NAA50: variants seen among roughly 807,000 people sequenced by gnomAD.
NAA50 encodes the protein N-alpha-acetyltransferase 50.
NAA50 carries 7 observed loss-of-function variants against 20.7 expected under a neutral mutation model. The observed-to-expected ratio is 0.34, with a 90% confidence interval of 0.19 to 0.63. NAA50 has a LOEUF of 0.63. NAA50 is among the 30% of genes least tolerant of loss of function. The pLI is 0.75. For missense variants in NAA50, 111 were observed against 199.1 expected (o/e 0.56, Z 2.66); for synonymous variants, 54 against 70.6 (o/e 0.77, Z 1.18).
At chr3:113,743,132 G>A (rs571521958) in intron 1 of NAA50, among the ~76,000 whole-genome samples, 14 of 152,220 alleles carry the variant, frequency 9.2e-5, no homozygotes, top group Admixed American at 8.5e-4. Flanking sequence ...ATGGAGGAAA[G>A]ACATGCCAAT....
At chr3:113,724,119 A>C (rs1708171529) in intron 1 of NAA50, 24 bp from the exon 2 acceptor site, 1 of 1,523,460 alleles carries the variant, frequency 6.6e-7, no homozygotes, top group Non-Finnish European at 8.9e-7. Flanking sequence ...AAATGTACTC[A>C]ATAAAACATA....
At chr3:113,724,730 T>C (rs988770475) in intron 1 of NAA50, 20 of 152,196 alleles carry the variant, frequency 1.3e-4, no homozygotes, top group African/African-American at 4.6e-4. Context: ...AAATTTCATC[T>C]TGTAGTTCCC....
At chr3:113,742,678 T>A (rs1375664158) in intron 1 of NAA50, among the ~76,000 whole-genome samples, 1 of 152,194 alleles carries the variant, frequency 6.6e-6, no homozygotes, top group Non-Finnish European at 1.5e-5. Context: ...CTGCAGAATC[T>A]TACATTTTAA....
intron 1 of NAA50, chr3:113,740,740 CT>C (rs746025075): frequency 6.3e-3 from 925 of 147,960 alleles, no homozygotes; most frequent in Middle Eastern, 0.017. Context: ...CACATTTTTT[CT>C]TTTTTTTTTT....
chr3:113,744,539 T>C (rs994408914), intron 1 of NAA50, among the ~76,000 whole-genome samples: 4 of 151,974 alleles, frequency 2.6e-5, no homozygotes, highest in Non-Finnish European at 4.4e-5. Context: ...TCCAAATATG[T>C]TGGATTGTAT....
In NAA50 at chr3:113,717,417, A is replaced by T. The variant is rs1168217355; in HGVS notation, c.*4343T>A. 1 of 152,224 alleles carries T rather than the reference A, an allele frequency of 6.6e-6. No individual in the cohort carries two copies. The highest frequency in any genetic ancestry group is 2.4e-5 in the African/African-American group (1 of 41,454). The allele number at this position is 152,224 out of a possible 1,614,324, so 9.4% of individuals were successfully genotyped here. A position where few individuals can be genotyped will look rare whatever the true frequency, so the allele number is the denominator to read the frequency against. ...TGAAAAGGTTGAGAATTTCTGCCCC[A>T]GTAACAGATCGTTCTCTGACTTAAA... On this transcript the variant is annotated 3_prime_UTR_variant, in exon 5 of 5. Transcript: ENST00000240922.
intron 1 of NAA50, among the ~76,000 whole-genome samples, chr3:113,728,777 T>C (rs1708232611): frequency 6.6e-6 from 1 of 152,214 alleles, no homozygotes; most frequent in Non-Finnish European, 1.5e-5. Flanking sequence ...TCCTGAACTC[T>C]ACATTCCTAG....
rs1708107329 is a variant in NAA50 at position 113,719,555 on chromosome 3, T to C, written c.*2205A>G. ...ATTCTCCTCCTCCTCCATAAGTGGA[T>C]GGAATTATTTAACTAAGTTTGATGT... On this transcript the variant is annotated 3_prime_UTR_variant, in exon 5 of 5. Coordinates refer to ENST00000240922, the MANE Select transcript of NAA50 (RefSeq NM_025146.4). 6.6e-6 allele frequency: 1 copy of C among 152,564 alleles called. No individual in the cohort carries two copies. Among genetic ancestry groups the C allele is most frequent in the Admixed American group, 6.5e-5 (1 of 15,276 alleles). The allele number at this position is 152,564 out of a possible 1,614,324, so 9.5% of individuals were successfully genotyped here.
intron 1 of NAA50, among the ~76,000 whole-genome samples, chr3:113,733,592 C>T (rs1708298462): frequency 6.6e-6 from 1 of 151,920 alleles, no homozygotes; most frequent in Non-Finnish European, 1.5e-5. Context: ...TGGCTCATGC[C>T]TGTAATCCCA....
intron 1 of NAA50, among the ~76,000 whole-genome samples, chr3:113,729,868 C>A (rs548419105): frequency 1.3e-5 from 2 of 152,164 alleles, no homozygotes; most frequent in South Asian, 4.1e-4. Context: ...TTACAGCTTC[C>A]TTCAAATCAA....
chr3:113,739,144 A>C (rs566516216), intron 1 of NAA50, among the ~76,000 whole-genome samples: 2 of 152,348 alleles, frequency 1.3e-5, no homozygotes, highest in South Asian at 4.1e-4. Context: ...TTAAAGCAAA[A>C]TGTGAATATT....
At position 113,722,989 on chromosome 3, in the gene NAA50, TAAC is replaced by T. The variant is rs1337922337; in HGVS notation, c.266-20_266-18del. The T allele has an allele frequency of 3.3e-6, 5 of 1,512,418 alleles. No individual in the cohort carries two copies. Among genetic ancestry groups the T allele is most frequent in the Non-Finnish European group, 4.5e-6 (5 of 1,120,858 alleles). The allele number at this position is 1,512,418 out of a possible 1,614,324, so 93.7% of individuals were successfully genotyped here. On this transcript the variant is annotated intron_variant, in intron 3 of 4. Coordinates refer to ENST00000240922, the MANE Select transcript of NAA50 (RefSeq NM_025146.4). ...TTTTAGTTCCTGTTAATAAAATAAA[TAAC>T]AAACACGTGACTTCATAAATCAACC...
At position 113,717,012 on chromosome 3, in the gene NAA50, AAG is replaced by A. The variant is rs1487808468; in HGVS notation, c.*4746_*4747del. On this transcript the variant is annotated 3_prime_UTR_variant, in exon 5 of 5. Transcript: ENST00000240922. ...TTTCTTATTCTAGAAGCTACTGAGC[AAG>A]GAAAATACCTTGATTCATTCTAGAT... The A allele has an allele frequency of 1.3e-5, 2 of 152,178 alleles. No homozygotes were observed. Among genetic ancestry groups the A allele is most frequent in the East Asian group, 3.9e-4 (2 of 5,194 alleles). The allele number at this position is 152,178 out of a possible 1,614,324, so 9.4% of individuals were successfully genotyped here.
At position 113,727,248 on chromosome 3, in the gene NAA50, T is replaced by A. The variant is rs541042198; in HGVS notation, c.9-3153A>T. ...AGAGCATCTCATTTAAAAAAAAGTC[T>A]TAGTATTTAAAAAGTGATTTAAAAT... On this transcript the variant is annotated intron_variant, in intron 1 of 4. Transcript: ENST00000240922. Among the ~76,000 whole-genome samples the A allele has an allele frequency of 7.9e-5, 12 of 152,332 alleles. 1 individual carries two copies. Among genetic ancestry groups the A allele is most frequent in the African/African-American group, 2.9e-4 (12 of 41,574 alleles).
rs777241717 is a variant in NAA50, at chr3:113,717,493, C to G, written c.*4267G>C. ...ACAACACACATTAAGAAATCTGACT[C>G]AAGCTCTTTTTCCCATGTGACTATG... On this transcript the variant is annotated 3_prime_UTR_variant, in exon 5 of 5. Coordinates refer to ENST00000240922, the MANE Select transcript of NAA50 (RefSeq NM_025146.4). 1 of 152,182 alleles carries G rather than the reference C, an allele frequency of 6.6e-6. No homozygotes were observed. Among genetic ancestry groups the G allele is most frequent in the Non-Finnish European group, 1.5e-5 (1 of 68,038 alleles). The allele number at this position is 152,182 out of a possible 1,614,324, so 9.4% of individuals were successfully genotyped here.
At position 113,741,143 on chromosome 3, in the gene NAA50, C is replaced by T. The variant is rs1708408483; in HGVS notation, c.8+4799G>A. On this transcript the variant is annotated intron_variant, in intron 1 of 4. Coordinates refer to ENST00000240922, the MANE Select transcript of NAA50 (RefSeq NM_025146.4). The stretch of plus-strand genomic sequence containing the variant: ...CTTGAATGAAGGATAATCAAAGAAA[C>T]ACACATAATTTGGCTTCAAAACATG... 3 of 545,500 alleles carry T rather than the reference C, an allele frequency of 5.5e-6. No individual in the cohort carries two copies. The East Asian group carries it at 1.4e-4, about 25-fold the overall frequency. 33.8% of individuals were successfully genotyped at this position (545,500 alleles called of 1,614,324 possible). A position where few individuals can be genotyped will look rare whatever the true frequency, so the allele number is the denominator to read the frequency against.
intron 4 of NAA50, among the ~76,000 whole-genome samples, chr3:113,722,164 A>C (rs1478045250): frequency 3.9e-5 from 6 of 152,146 alleles, no homozygotes; most frequent in Admixed American, 6.5e-5. Context: ...CTCAGTGTTT[A>C]TTCTTGTAGT....
intron 1 of NAA50, among the ~76,000 whole-genome samples, chr3:113,730,548 C>T (rs1166318321): frequency 6.6e-6 from 1 of 151,902 alleles, no homozygotes; most frequent in African/African-American, 2.4e-5. Context: ...AATCATGTAA[C>T]CATTACCAAA....
rs1029765712 is a variant in NAA50, at chr3:113,717,443, TAA to T, written c.*4315_*4316del. ...GTAACAGATCGTTCTCTGACTTAAA[TAA>T]TTCTCAATGTTCTACCAAGTTAACA... On this transcript the variant is annotated 3_prime_UTR_variant, in exon 5 of 5. Coordinates refer to ENST00000240922, the MANE Select transcript of NAA50 (RefSeq NM_025146.4). 6 of 152,206 alleles carry T rather than the reference TAA, an allele frequency of 3.9e-5. No homozygotes were observed. Among genetic ancestry groups the T allele is most frequent in the African/African-American group, 1.4e-4 (6 of 41,436 alleles). The allele number at this position is 152,206 out of a possible 1,614,324, so 9.4% of individuals were successfully genotyped here.
Sources: allele counts gnomAD v4.1 joint callset (sites outside exome capture counted in the v4.1 genomes callset), GRCh38; gene constraint gnomAD v4.1.1; transcripts MANE v1.5; gene names NCBI Gene and HGNC (gene_info 2026-07-23, HGNC 2026-07-21).